Variants in IL1R2 observed in about 807,000 individuals in gnomAD.
The protein encoded by IL1R2 is interleukin-1 receptor type 2.
Under a neutral mutation model 39.5 loss-of-function variants are expected in IL1R2, and 46 were observed. The observed-to-expected ratio is 1.16, with a 90% CI of 0.92 to 1.49. IL1R2 has a LOEUF of 1.49. Among genes scored for constraint, IL1R2 ranks in the 40% most tolerant of loss-of-function variants. IL1R2 has a pLI of 0.00. For missense variants in IL1R2, 537 were observed against 502.0 expected (o/e 1.07, Z -0.67); for synonymous variants, 207 against 189.6 (o/e 1.09, Z -0.75).
chr2:102,012,329 C>T (rs1337227724), intron 3 of IL1R2, among the ~76,000 whole-genome samples: 9 of 152,190 alleles, frequency 5.9e-5, no homozygotes, highest in Non-Finnish European at 1.3e-4. Flanking sequence ...TCAGAGTCTC[C>T]AGATTTCATA....
At chr2:102,010,086 C>T (rs1200583258) in intron 3 of IL1R2, 2 of 498,922 alleles carry the variant, frequency 4.0e-6, no homozygotes, top group Non-Finnish European at 7.2e-6. Context: ...CTGTCACTCT[C>T]TCCTTACCCT....
intron 2 of IL1R2, among the ~76,000 whole-genome samples, chr2:102,009,085 G>T (rs940699433): frequency 3.3e-5 from 5 of 151,892 alleles, no homozygotes; most frequent in Non-Finnish European, 7.4e-5. Flanking sequence ...AGGAAAGAAT[G>T]GTGCGAATGT....
intron 1 of IL1R2, among the ~76,000 whole-genome samples, chr2:101,996,253 G>A (rs796150772): frequency 2.6e-4 from 40 of 152,250 alleles, no homozygotes; most frequent in African/African-American, 8.9e-4. Flanking sequence ...ACCAAGGAGC[G>A]AGCTGGCCAG....
At chr2:102,024,055 A>AAAAAG (rs1677571040) in intron 6 of IL1R2, among the ~76,000 whole-genome samples, 1 of 147,824 alleles carries the variant, frequency 6.8e-6, no homozygotes, top group African/African-American at 2.5e-5. Flanking sequence ...TCTCAAAAAC[A>AAAAAG]AAACAAAACA....
chr2:102,011,298 T>C (rs1676615345), intron 3 of IL1R2, among the ~76,000 whole-genome samples: 1 of 152,246 alleles, frequency 6.6e-6, no homozygotes, highest in African/African-American at 2.4e-5. Flanking sequence ...ATATTTAATT[T>C]TGAGGAACTA....
intron 1 of IL1R2, among the ~76,000 whole-genome samples, chr2:101,997,120 G>C (rs188264631): frequency 2.6e-5 from 4 of 152,278 alleles, no homozygotes; most frequent in African/African-American, 9.6e-5. Flanking sequence ...ACCTGGGGTA[G>C]GCACTGGCTT....
At chr2:102,014,053 T>C (rs1327644245) in intron 3 of IL1R2, among the ~76,000 whole-genome samples, 2 of 152,168 alleles carry the variant, frequency 1.3e-5, no homozygotes, top group African/African-American at 4.8e-5. Flanking sequence ...TTCTTTTGAG[T>C]TATTTTTATG....
chr2:102,023,833 G>A (rs1171253691), intron 6 of IL1R2, among the ~76,000 whole-genome samples: 1 of 151,852 alleles, frequency 6.6e-6, no homozygotes, highest in Non-Finnish European at 1.5e-5. Flanking sequence ...GGATCACGAG[G>A]TTAGGAGATC....
intron 3 of IL1R2, among the ~76,000 whole-genome samples, chr2:102,010,424 A>G (rs1402257887): frequency 1.3e-5 from 2 of 152,036 alleles, no homozygotes; most frequent in East Asian, 3.9e-4. Flanking sequence ...AAATACAAAA[A>G]AATTAGCTGG....
chr2:102,025,976 T>G (rs1677721029), intron 7 of IL1R2, 135 bp from the exon 8 acceptor site: 3 of 658,120 alleles, frequency 4.6e-6, no homozygotes, highest in South Asian at 4.1e-5. Flanking sequence ...TGGCAAGAGC[T>G]CCTAACTTTA....
At chr2:101,997,711 C>T (rs566752529) in intron 1 of IL1R2, among the ~76,000 whole-genome samples, 1 of 152,326 alleles carries the variant, frequency 6.6e-6, no homozygotes, top group South Asian at 2.1e-4. Flanking sequence ...ACAGCCACAC[C>T]ATTATTTCCA....
At chr2:102,000,084 T>A (rs892984067) in intron 1 of IL1R2, among the ~76,000 whole-genome samples, 1 of 152,222 alleles carries the variant, frequency 6.6e-6, no homozygotes, top group African/African-American at 2.4e-5. Context: ...TTCGGCAGAA[T>A]GCAGATGGTG....
intron 6 of IL1R2, among the ~76,000 whole-genome samples, 170 bp from the exon 7 acceptor site, chr2:102,024,363 G>A (rs1392678645): frequency 6.6e-6 from 1 of 152,206 alleles, no homozygotes; most frequent in African/African-American, 2.4e-5. Context: ...TTCGTAAACA[G>A]TAAAGCTCTG....
At chr2:102,005,822 T>G (rs1454024143) in intron 1 of IL1R2, among the ~76,000 whole-genome samples, 1 of 152,126 alleles carries the variant, frequency 6.6e-6, no homozygotes, top group Non-Finnish European at 1.5e-5. Flanking sequence ...AGGACAGATA[T>G]TGGGAGAAGA....
intron 4 of IL1R2, among the ~76,000 whole-genome samples, chr2:102,016,829 C>T (rs975095950): frequency 2.6e-5 from 4 of 152,154 alleles, no homozygotes; most frequent in African/African-American, 7.2e-5. Flanking sequence ...AAACCACTTA[C>T]GCATCTGTGT....
At position 102,023,024 on chromosome 2, in the gene IL1R2, G is replaced by C. The variant is rs569895268; in HGVS notation, c.751+775G>C. 2.0e-5 allele frequency among the ~76,000 whole-genome samples: 3 copies of C among 152,352 alleles called. No homozygotes were observed. In the East Asian group the frequency reaches 5.8e-4, roughly 29 times the overall value. ...AGTGGAGGCCAAAAGGCCATGCTCA[G>C]AGTCAGGCTGGAGTTCAGATTCAGG... is the stretch of plus-strand genomic sequence containing the variant. On this transcript the variant is annotated intron_variant, in intron 6 of 8. Transcript: ENST00000332549.
chr2:102,024,631 G>T lies in IL1R2; in HGVS notation c.850G>T (p.Ala284Ser), dbSNP rs1374993668. The T allele has an allele frequency of 6.2e-7, 1 of 1,614,094 alleles. No individual in the cohort carries two copies. Among genetic ancestry groups the T allele is most frequent in the Non-Finnish European group, 8.5e-7 (1 of 1,179,990 alleles). The part of the protein sequence containing the change: ...WTANDTHIES[A>S]YPGGRVTEGP... ...GGCCAATGACACCCACATAGAGAGC[G>T]CCTACCCGGGAGGCCGCGTGACCGA... The change falls in exon 7 of 9, where the codon GCC (alanine) becomes TCC (serine). Residue 284 changes from alanine to serine, a missense_variant. Coordinates refer to ENST00000332549, the MANE Select transcript of IL1R2 (RefSeq NM_004633.4).
chr2:102,010,574 T>TA (rs35560069), intron 3 of IL1R2, among the ~76,000 whole-genome samples: 1,623 of 126,900 alleles, frequency 0.013, 19 homozygotes, highest in African/African-American at 0.034. Flanking sequence ...AGACTCTGTC[T>TA]AAAAAAAAAA....
chr2:102,008,076 T>G (rs1306727112), intron 1 of IL1R2, among the ~76,000 whole-genome samples: 2 of 151,954 alleles, frequency 1.3e-5, no homozygotes, highest in Middle Eastern at 3.4e-3. Flanking sequence ...CCACAGAGAA[T>G]GACAGGGAAG....
Sources: allele counts gnomAD v4.1 joint callset (sites outside exome capture counted in the v4.1 genomes callset), GRCh38; gene constraint gnomAD v4.1.1; transcripts MANE v1.5; gene names NCBI Gene and HGNC (gene_info 2026-07-23, HGNC 2026-07-21).